PCDHGB7: variants seen among roughly 807,000 people sequenced by gnomAD.
The protein encoded by PCDHGB7 is protocadherin gamma-B7.
In PCDHGB7, 37 loss-of-function variants were observed where a neutral mutation model predicts 61.4. The ratio of observed to expected loss-of-function variants is 0.60; its 90% confidence interval spans 0.46 to 0.79. The LOEUF (loss-of-function observed/expected upper bound fraction) is 0.79. Ranked by LOEUF, PCDHGB7 falls within the 30% of genes least tolerant of loss-of-function variation. PCDHGB7 has a pLI of 0.00. For synonymous variants in PCDHGB7, 464 were observed against 503.5 expected, an observed-to-expected ratio of 0.92 and a Z score of 1.05; for missense variants, 1,166 against 1,202.5, an observed-to-expected ratio of 0.97 and a Z score of 0.45.
rs761106133 is a variant in PCDHGB7 at position 141,432,117 on chromosome 5, C to A, written c.2415+11843C>A. 1 of 1,614,180 alleles carries A rather than the reference C, an allele frequency of 6.2e-7. No individual in the cohort carries two copies. Among genetic ancestry groups the A allele is most frequent in the Admixed American group, 1.7e-5 (1 of 60,024 alleles). ...ACCAACGACAACCCGCCGGTCTTCC[C>A]TCAGGCCTCCTATTCCGCTTATATC... On this transcript the variant is annotated intron_variant, in intron 1 of 3. Transcript: ENST00000398594. The surrounding 1 kb of genome is among the most constrained non-coding windows in gnomAD (Gnocchi z 6.0).
intron 1 of PCDHGB7, among the ~76,000 whole-genome samples, chr5:141,464,162 G>A (rs1030872607): frequency 6.6e-6 from 1 of 151,946 alleles, no homozygotes; most frequent in African/African-American, 2.4e-5. Context: ...CTACTTGGAA[G>A]GCTGAGGCAG....
At position 141,493,262 on chromosome 5, in the gene PCDHGB7, A is replaced by G. The variant is rs148431133; in HGVS notation, c.2416-1545A>G. ...GGTACTAACATGCCTCTCTTATAAC[A>G]GCTTCACAGAGGTCAAGTGACTTGC... is the stretch of plus-strand genomic sequence containing the variant. On this transcript the variant is annotated intron_variant, in intron 1 of 3. Transcript: ENST00000398594. This position sits in a 1 kb window ranked among gnomAD's most constrained non-coding sequence, Gnocchi z 4.3. 5.1e-4 allele frequency among the ~76,000 whole-genome samples: 78 copies of G among 152,302 alleles called. No homozygotes were observed. Among genetic ancestry groups the G allele is most frequent in the African/African-American group, 1.7e-3 (72 of 41,574 alleles).
rs115607451 is a variant in PCDHGB7, at chr5:141,508,636, A to C, written c.2564-2311A>C. Among the ~76,000 whole-genome samples, 998 of 151,746 alleles carry C rather than the reference A, an allele frequency of 6.6e-3. 12 individuals are homozygous for C. The highest frequency in any genetic ancestry group is 0.023 in the African/African-American group (958 of 41,372). ...ACGTGGGTGGGCCGAGCTTCTAGCT[A>C]CTCCGTCAGGCCCTTCCTGTCATTC... On this transcript the variant is annotated intron_variant, in intron 3 of 3. Transcript: ENST00000398594.
At chr5:141,478,506 ATAGGCAGGTGTTGGG>A in intron 1 of PCDHGB7, 1 of 1,612,314 alleles carries the variant, frequency 6.2e-7, no homozygotes, top group Non-Finnish European at 8.5e-7. Context: ...CCGGTGTTCT[ATAGGCAGGTGTTGGG>A]TGCAGAGAGC....
At chr5:141,504,429 G>T (rs947508365) in intron 2 of PCDHGB7, among the ~76,000 whole-genome samples, 1 of 152,124 alleles carries the variant, frequency 6.6e-6, no homozygotes, top group Non-Finnish European at 1.5e-5. Context: ...CACTACAACA[G>T]CTGCAGTGTG....
chr5:141,492,384 C>G (rs1001189412), intron 1 of PCDHGB7, among the ~76,000 whole-genome samples: 1 of 152,230 alleles, frequency 6.6e-6, no homozygotes, highest in Non-Finnish European at 1.5e-5. Context: ...AGGCCTGTTC[C>G]GGTCCACTCG....
intron 3 of PCDHGB7, chr5:141,507,313 T>TAC (rs1554192306): frequency 6.7e-6 from 1 of 150,168 alleles, no homozygotes. Context: ...CATAATGTAC[T>TAC]AAAAAAAAAA....
chr5:141,478,716 G>T, intron 1 of PCDHGB7: 1 of 1,545,206 alleles, frequency 6.5e-7, no homozygotes. Flanking sequence ...TGAGATGGTG[G>T]CCTGCCAGAG....
intron 1 of PCDHGB7, chr5:141,421,731 C>G (rs73792198): frequency 6.2e-7 from 1 of 1,613,742 alleles, no homozygotes; most frequent in Non-Finnish European, 8.5e-7. Flanking sequence ...TGAACTCCCT[C>G]CAGAGCTACC....
At chr5:141,466,457 A>G (rs969935541) in intron 1 of PCDHGB7, among the ~76,000 whole-genome samples, 12 of 152,146 alleles carry the variant, frequency 7.9e-5, no homozygotes, top group Admixed American at 6.6e-4. Context: ...GGTGTTGGCT[A>G]TTGTTTCTGC....
At position 141,419,769 on chromosome 5, in the gene PCDHGB7, C is replaced by A. The variant is rs773303779; in HGVS notation, c.1910C>A (p.Ser637Ter). ...GTGCGTGCTTTGGGTGACAAGGACT[C>A]GGTCCGCCAGCGCCTGCTAGTCGCT... ...RMVRALGDKD[S>*]VRQRLLVAVR... is the part of the protein sequence containing the mutation. Residue 637 changes from serine (S) to a stop codon, truncating the protein, a stop_gained, in exon 1 of 4, where the codon TCG (serine) becomes TAG (stop). Coordinates refer to ENST00000398594, the MANE Select transcript of PCDHGB7 (RefSeq NM_018927.4). LOFTEE classifies it high-confidence loss of function. 14 of 1,614,006 alleles carry A rather than the reference C, an allele frequency of 8.7e-6. No individual in the cohort carries two copies. The highest frequency in any genetic ancestry group is 4.5e-5 in the East Asian group (2 of 44,888).
rs556099456 is a variant in PCDHGB7, at chr5:141,430,033, C to A, written c.2415+9759C>A. ...ACTTGGGTTCTTGTTAAGTGTGATT[C>A]TGATAATGTATACAATCACATATCA... On this transcript the variant is annotated intron_variant, in intron 1 of 3. Coordinates refer to ENST00000398594, the MANE Select transcript of PCDHGB7 (RefSeq NM_018927.4). 1.2e-4 allele frequency among the ~76,000 whole-genome samples: 18 copies of A among 152,184 alleles called. 1 individual carries two copies. In the South Asian group the frequency reaches 3.3e-3, roughly 28 times the overall value.
intron 1 of PCDHGB7, among the ~76,000 whole-genome samples, chr5:141,451,703 A>G (rs975120935): frequency 6.6e-6 from 1 of 152,144 alleles, no homozygotes; most frequent in Non-Finnish European, 1.5e-5. Flanking sequence ...GTAACATGAC[A>G]AAACCCTGCC....
At chr5:141,457,736 T>G (rs1265562501) in intron 1 of PCDHGB7, among the ~76,000 whole-genome samples, 1 of 152,254 alleles carries the variant, frequency 6.6e-6, no homozygotes, top group African/African-American at 2.4e-5. Flanking sequence ...AGATTAGACT[T>G]TTAAAGCTGA....
At position 141,419,472 on chromosome 5, in the gene PCDHGB7, G is replaced by A. The variant is rs1392935171; in HGVS notation, c.1613G>A (p.Gly538Asp). ...CTCACGCTGCAGGCCCGCGACCAGG[G>A]CTCGCCCGCGCTCAGCGCCAATGTG... The part of the protein sequence containing the change: ...FELTLQARDQ[G>D]SPALSANVSL... Residue 538 changes from glycine (G) to aspartate (D), a missense_variant, in exon 1 of 4, where the codon GGC becomes GAC. Physicochemically the swap from Gly to Asp is moderately conservative, Grantham distance 94. Coordinates refer to ENST00000398594, the MANE Select transcript of PCDHGB7 (RefSeq NM_018927.4). The A allele has an allele frequency of 6.2e-7, 1 of 1,612,330 alleles. No homozygotes were observed. The highest frequency in any genetic ancestry group is 8.5e-7 in the Non-Finnish European group (1 of 1,179,482).
intron 1 of PCDHGB7, among the ~76,000 whole-genome samples, chr5:141,462,027 TG>T (rs1239347302): frequency 6.6e-6 from 1 of 152,220 alleles, no homozygotes; most frequent in African/African-American, 2.4e-5. Flanking sequence ...TTCTTCATGT[TG>T]GTCAGGCGGG....
Position 141,419,299 on chromosome 5 carries a change from C to T in PCDHGB7, c.1440C>T (p.Asp480=). 12 of 1,614,048 alleles carry T rather than the reference C, an allele frequency of 7.4e-6. No individual in the cohort carries two copies. The highest frequency in any genetic ancestry group is 1.0e-5 in the Non-Finnish European group (12 of 1,179,908). Residue 480 remains aspartate, a synonymous_variant, in exon 1 of 4, where the codon GAC becomes GAT. Coordinates refer to ENST00000398594, the MANE Select transcript of PCDHGB7 (RefSeq NM_018927.4). ...CGCAAGTCAGTGCCTCTGACCCAGA[C>T]TTCGGGCTCAACGGCCGTGTCTCCT... is the stretch of plus-strand genomic sequence containing the variant. ...SIAQVSASDP[D]FGLNGRVSYS...
chr5:141,427,775 G>A (rs768191014), intron 1 of PCDHGB7: 35 of 1,424,948 alleles, frequency 2.5e-5, no homozygotes, highest in Non-Finnish European at 2.9e-5. Context: ...TGGAGCTGCG[G>A]GCACTGTCGT....
intron 1 of PCDHGB7, among the ~76,000 whole-genome samples, chr5:141,467,008 A>AT (rs1165146249): frequency 6.7e-6 from 1 of 150,270 alleles, no homozygotes; most frequent in Non-Finnish European, 1.5e-5. Context: ...TTGCAATGCA[A>AT]TTTTTTTCCC....
Sources: gnomAD v4.1 joint callset for allele counts (sites outside exome capture counted in the v4.1 genomes callset) on GRCh38, gnomAD v4.1.1 for gene constraint, Gnocchi (gnomAD v3.1) non-coding constraint, MANE v1.5 for transcripts, NCBI Gene and HGNC (gene_info 2026-07-23, HGNC 2026-07-21) for gene names.